SHC4: variants seen among roughly 807,000 people sequenced by gnomAD.
SHC4 encodes the protein SHC adaptor protein 4.
A neutral mutation model predicts 69.4 loss-of-function variants in SHC4; 41 were observed. The ratio of observed to expected loss-of-function variants is 0.59; its 90% CI spans 0.46 to 0.77. The LOEUF (loss-of-function observed/expected upper bound fraction) is 0.77. SHC4 is among the 30% of genes least tolerant of loss of function. The pLI is 0.00. For synonymous variants in SHC4, 318 were observed against 299.3 expected (o/e 1.06, Z -0.64); for missense variants, 777 against 783.8 (o/e 0.99, Z 0.10).
chr15:48,905,828 T>G (rs1900396814), intron 2 of SHC4, among the ~76,000 whole-genome samples: 1 of 152,270 alleles, frequency 6.6e-6, no homozygotes, highest in Non-Finnish European at 1.5e-5. Context: ...AATGTGTATG[T>G]ATTGCCTGAT....
At chr15:48,890,845 G>C in intron 2 of SHC4, 34 bp from the exon 3 acceptor site, 1 of 1,604,522 alleles carries the variant, frequency 6.2e-7, no homozygotes, top group Non-Finnish European at 8.5e-7. Flanking sequence ...TAAAGACTTA[G>C]CATACTACCT....
chr15:48,852,211 C>T (rs564589649), intron 8 of SHC4, among the ~76,000 whole-genome samples: 3 of 152,202 alleles, frequency 2.0e-5, no homozygotes, highest in Admixed American at 6.5e-5. Flanking sequence ...ACACAAGTGG[C>T]CTGCCAGAAG....
intron 2 of SHC4, among the ~76,000 whole-genome samples, chr15:48,902,496 C>G (rs931707785): frequency 3.3e-5 from 5 of 152,116 alleles, no homozygotes; most frequent in East Asian, 1.9e-4. Flanking sequence ...TAACCCTTGT[C>G]TCCCTATATA....
intron 4 of SHC4, among the ~76,000 whole-genome samples, chr15:48,874,856 CT>C (rs1899763123): frequency 6.6e-6 from 1 of 152,310 alleles, no homozygotes; most frequent in African/African-American, 2.4e-5. Flanking sequence ...GGCTTTAAGT[CT>C]GAATCCGACT....
intron 1 of SHC4, among the ~76,000 whole-genome samples, chr15:48,949,189 G>A (rs1439255697): frequency 1.3e-5 from 2 of 151,482 alleles, no homozygotes; most frequent in African/African-American, 4.9e-5. Flanking sequence ...GGCTAACACG[G>A]TGAAACTCCG....
At chr15:48,890,600 G>T in intron 3 of SHC4, 148 bp downstream of exon 3, 2 of 806,820 alleles carry the variant, frequency 2.5e-6, no homozygotes, top group Non-Finnish European at 4.2e-6. Context: ...AGGGACAAGA[G>T]CAGTTTTGAG....
intron 2 of SHC4, among the ~76,000 whole-genome samples, chr15:48,916,747 C>A (rs1441016540): frequency 1.3e-5 from 2 of 152,164 alleles, no homozygotes; most frequent in Non-Finnish European, 2.9e-5. Flanking sequence ...GGGTGGCAAT[C>A]ACACAAAGGA....
At chr15:48,906,537 A>G (rs974234053) in intron 2 of SHC4, among the ~76,000 whole-genome samples, 2 of 151,276 alleles carry the variant, frequency 1.3e-5, no homozygotes, top group Non-Finnish European at 2.9e-5. Context: ...CAGGATTACC[A>G]TGGAACTACC....
At chr15:48,909,920 G>C (rs564582979) in intron 2 of SHC4, among the ~76,000 whole-genome samples, 3 of 152,084 alleles carry the variant, frequency 2.0e-5, no homozygotes, top group Non-Finnish European at 4.4e-5. Context: ...GATCATGGTG[G>C]ATTATCTTTT....
intron 2 of SHC4, among the ~76,000 whole-genome samples, chr15:48,915,264 AG>A (rs1462775062): frequency 1.3e-5 from 2 of 152,230 alleles, no homozygotes; most frequent in Non-Finnish European, 2.9e-5. Flanking sequence ...CAGAGCAAAA[AG>A]GTACAATTGG....
chr15:48,858,965 G>A (rs1483543452), intron 6 of SHC4, among the ~76,000 whole-genome samples: 1 of 152,144 alleles, frequency 6.6e-6, no homozygotes, highest in Non-Finnish European at 1.5e-5. Context: ...AAAGTATCTT[G>A]GGTCTCAGCA....
intron 10 of SHC4, among the ~76,000 whole-genome samples, chr15:48,839,485 G>T (rs62009451): frequency 0.19 from 28,625 of 152,060 alleles, 3,004 homozygotes; most frequent in Middle Eastern, 0.28. Context: ...ACAGATGACA[G>T]TGGACACCAA....
At chr15:48,828,908 G>A (rs1470862339) in intron 11 of SHC4, among the ~76,000 whole-genome samples, 1 of 151,874 alleles carries the variant, frequency 6.6e-6, no homozygotes, top group Non-Finnish European at 1.5e-5. Flanking sequence ...TATATATTTT[G>A]GATATTAACT....
At chr15:48,951,988 C>G (rs1467358230) in intron 1 of SHC4, among the ~76,000 whole-genome samples, 1 of 152,106 alleles carries the variant, frequency 6.6e-6, no homozygotes, top group Non-Finnish European at 1.5e-5. Context: ...GAAATTTAGT[C>G]TTTGCGCTGC....
chr15:48,881,146 A>G (rs1488637927), intron 4 of SHC4, among the ~76,000 whole-genome samples: 2 of 151,990 alleles, frequency 1.3e-5, no homozygotes, highest in South Asian at 2.1e-4. Context: ...TTATCCATAC[A>G]TATTATAAAT....
intron 6 of SHC4, among the ~76,000 whole-genome samples, chr15:48,859,380 T>C (rs1899392825): frequency 6.6e-6 from 1 of 151,638 alleles, no homozygotes; most frequent in Non-Finnish European, 1.5e-5. Context: ...CAAACAATGC[T>C]AAGGTATCAA....
chr15:48,907,386 C>A (rs1900423487), intron 2 of SHC4, among the ~76,000 whole-genome samples: 1 of 151,760 alleles, frequency 6.6e-6, no homozygotes, highest in South Asian at 2.1e-4. Context: ...TCATGCCCAG[C>A]TAATTTTTGT....
At chr15:48,865,734 C>T (rs1899546980) in intron 6 of SHC4, among the ~76,000 whole-genome samples, 1 of 152,160 alleles carries the variant, frequency 6.6e-6, no homozygotes, top group African/African-American at 2.4e-5. Context: ...TTCTGTCCCT[C>T]ACCTCCCATC....
At chr15:48,843,707 T>C (rs1385831155) in intron 9 of SHC4, 119 bp from the exon 10 acceptor site, 6 of 875,298 alleles carry the variant, frequency 6.9e-6, no homozygotes, top group Non-Finnish European at 9.8e-6. Flanking sequence ...TATACAATGA[T>C]TGAACACTTA....
Sources: gnomAD v4.1 joint callset for allele counts (sites outside exome capture counted in the v4.1 genomes callset) on GRCh38, gnomAD v4.1.1 for gene constraint, MANE v1.5 for transcripts, NCBI Gene and HGNC (gene_info 2026-07-23, HGNC 2026-07-21) for gene names.